UBR7: variants seen among roughly 807,000 people sequenced by gnomAD.
UBR7 encodes putative E3 ubiquitin-protein ligase UBR7.
Under a neutral mutation model 57.0 loss-of-function variants are expected in UBR7, and 22 were observed. That is an observed-to-expected ratio of 0.39 (90% confidence interval 0.28 to 0.55). The LOEUF (loss-of-function observed/expected upper bound fraction) is 0.55. UBR7 is among the 20% of genes least tolerant of loss of function. The probability of loss-of-function intolerance (pLI) is 0.69; values close to 1 mark genes in which losing one functional copy is unlikely to be tolerated. For synonymous variants in UBR7, 167 were observed against 179.8 expected (o/e 0.93, Z 0.57); for missense variants, 395 against 513.2 (o/e 0.77, Z 2.23).
At chr14:93,221,655 G>T (rs1488055993) in intron 9 of UBR7, among the ~76,000 whole-genome samples, 2 of 152,216 alleles carry the variant, frequency 1.3e-5, no homozygotes, top group East Asian at 1.9e-4. Flanking sequence ...AGCCCTCAAG[G>T]TACCTTGTAC....
At chr14:93,214,820 C>T (rs747129849) in intron 4 of UBR7, 109 bp from the exon 5 acceptor site, 10 of 963,428 alleles carry the variant, frequency 1.0e-5, no homozygotes, top group Non-Finnish European at 1.5e-5. Context: ...GCCTTTGGAA[C>T]ACCAGTTCAT....
intron 10 of UBR7, chr14:93,223,627 T>G (rs1472986538): frequency 7.3e-7 from 1 of 1,366,730 alleles, no homozygotes; most frequent in African/African-American, 1.4e-5. Flanking sequence ...CTCTTGGTGG[T>G]GAAGCGTGGC....
chr14:93,213,414 TCTC>T (rs1894528862), intron 4 of UBR7, among the ~76,000 whole-genome samples: 2 of 151,870 alleles, frequency 1.3e-5, no homozygotes, highest in African/African-American at 4.8e-5. Context: ...TTCATGCCAT[TCTC>T]CTGCCTCAGC....
In UBR7 at chr14:93,227,275, C is replaced by A. The variant is rs1413544431; in HGVS notation, c.*240C>A. On this transcript the variant is annotated 3_prime_UTR_variant, in exon 11 of 11. Coordinates refer to ENST00000013070, the MANE Select transcript of UBR7 (RefSeq NM_175748.4). ...CAGACTTCTCCAGTGTACTCCTACT[C>A]CAGTGCACCCAGGGTTATTTGCATA... The A allele has an allele frequency of 1.6e-6, 1 of 612,630 alleles. No homozygotes were observed. Among genetic ancestry groups the A allele is most frequent in the Non-Finnish European group, 3.0e-6 (1 of 330,168 alleles). The allele number at this position is 612,630 out of a possible 1,614,324, so 37.9% of individuals were successfully genotyped here. A position where few individuals can be genotyped will look rare whatever the true frequency, so the allele number is the denominator to read the frequency against.
chr14:93,227,718 A>G lies in UBR7; in HGVS notation c.*683A>G. 1 of 700,856 alleles carries G rather than the reference A, an allele frequency of 1.4e-6. No homozygotes were observed. Among genetic ancestry groups the G allele is most frequent in the Admixed American group, 2.0e-5 (1 of 50,008 alleles). 43.4% of individuals were successfully genotyped at this position (700,856 alleles called of 1,614,324 possible). A position where few individuals can be genotyped will look rare whatever the true frequency, so the allele number is the denominator to read the frequency against. On this transcript the variant is annotated 3_prime_UTR_variant, in exon 11 of 11. Coordinates refer to ENST00000013070, the MANE Select transcript of UBR7 (RefSeq NM_175748.4). Reference sequence around the variant, plus strand: ...CCTTTGTTATGAATTTTACTAATACAGTTCAAGTGAAATTTTCGTTCATGA... The same window carrying G: ...CCTTTGTTATGAATTTTACTAATACGGTTCAAGTGAAATTTTCGTTCATGA...
At chr14:93,217,143 C>T (rs1894607861) in intron 6 of UBR7, among the ~76,000 whole-genome samples, 1 of 152,204 alleles carries the variant, frequency 6.6e-6, no homozygotes, top group Middle Eastern at 3.2e-3. Flanking sequence ...TCTCCTGCCT[C>T]AGCCTCCCAA....
intron 6 of UBR7, 129 bp downstream of exon 6, chr14:93,215,410 G>GCGTGAGCCAC: frequency 6.9e-6 from 6 of 871,230 alleles, no homozygotes; most frequent in South Asian, 1.4e-5. Flanking sequence ...TTCTGGCCAG[G>GCGTGAGCCAC]CATGGTGGCT....
chr14:93,228,160 C>T lies in UBR7; in HGVS notation c.*1125C>T. The T allele has an allele frequency of 1.7e-6, 1 of 598,196 alleles. No homozygotes were observed. Among genetic ancestry groups the T allele is most frequent in the Non-Finnish European group, 3.1e-6 (1 of 320,646 alleles). The allele number at this position is 598,196 out of a possible 1,614,324, so 37.1% of individuals were successfully genotyped here. A position where few individuals can be genotyped will look rare whatever the true frequency, so the allele number is the denominator to read the frequency against. On this transcript the variant is annotated 3_prime_UTR_variant, in exon 11 of 11. Transcript: ENST00000013070. ...GTTTTGTGTATATAATGTTAATGTC[C>T]ACCGCCACTTCCCTAACGACTATGA...
At chr14:93,222,458 C>T (rs140344938) in intron 10 of UBR7, 84 bp downstream of exon 10, 56 of 1,086,934 alleles carry the variant, frequency 5.2e-5, no homozygotes, top group African/African-American at 2.8e-4. Context: ...AAAATGACTG[C>T]GACTGGCGGG....
At position 93,218,535 on chromosome 14, in the gene UBR7, A is replaced by G; in HGVS notation, c.610A>G (p.Ile204Val). 1 of 1,614,212 alleles carries G rather than the reference A, an allele frequency of 6.2e-7. No individual in the cohort carries two copies. ...AYAAQLAVTK[I>V]STEDDGLVRN... ...TTTCTTTGAACTCACAGTAACCAAA[A>G]TATCCACTGAGGATGATGGATTGGT... Residue 204 changes from isoleucine to valine, a missense_variant, in exon 7 of 11, where the codon ATA becomes GTA. By Grantham distance (29) the Ile-to-Val change is conservative. Coordinates refer to ENST00000013070, the MANE Select transcript of UBR7 (RefSeq NM_175748.4).
chr14:93,226,890 A>T, intron 10 of UBR7, 53 bp from the exon 11 acceptor site: 1 of 1,292,546 alleles, frequency 7.7e-7, no homozygotes, highest in Non-Finnish European at 1.1e-6. Flanking sequence ...ATGACCTCGG[A>T]TTGCGATTCT....
At chr14:93,218,494 T>C (rs1030311539) in intron 6 of UBR7, 33 bp from the exon 7 acceptor site, 1 of 1,568,664 alleles carries the variant, frequency 6.4e-7, no homozygotes, top group Non-Finnish European at 8.8e-7. Flanking sequence ...TGGATATGTG[T>C]GTATGTGTTT....
At chr14:93,211,897 T>C (rs77551279) in intron 3 of UBR7, 135 bp from the exon 4 acceptor site, 2 of 691,320 alleles carry the variant, frequency 2.9e-6, no homozygotes, top group East Asian at 2.9e-5. Flanking sequence ...GTTTTTTTTT[T>C]CCTACTTTGA....
Position 93,220,275 on chromosome 14 carries a change from A to G in UBR7, c.987A>G (p.Leu329=), listed in dbSNP as rs780568553. ...CMKMYGDLDV[L]FLTDEYDTVL... is the part of the protein sequence containing the mutation. ...AAATGTATGGAGATCTAGATGTCTT[A>G]TTCCTGACAGATGAATACGACACAG... The change falls in exon 9 of 11, where the codon TTA becomes TTG. Residue 329 remains leucine (L), a synonymous_variant. Coordinates refer to ENST00000013070, the MANE Select transcript of UBR7 (RefSeq NM_175748.4). 3 of 1,555,036 alleles carry G rather than the reference A, an allele frequency of 1.9e-6. No homozygotes were observed. Among genetic ancestry groups the G allele is most frequent in the East Asian group, 2.3e-5 (1 of 42,790 alleles).
At position 93,222,985 on chromosome 14, in the gene UBR7, C is replaced by G. The variant is rs1174175776; in HGVS notation, c.1185+611C>G. 3.9e-5 allele frequency among the ~76,000 whole-genome samples: 6 copies of G among 152,180 alleles called. No individual in the cohort carries two copies. The East Asian group carries it at 1.2e-3, about 29-fold the overall frequency. ...TTGGAAGGAATCCGCAGTACTGATT[C>G]TGCTGGTCCTGACCTTGAAGCATGG... On this transcript the variant is annotated intron_variant, in intron 10 of 10. Coordinates refer to ENST00000013070, the MANE Select transcript of UBR7 (RefSeq NM_175748.4).
intron 2 of UBR7, among the ~76,000 whole-genome samples, chr14:93,210,424 G>A (rs1894458729): frequency 1.3e-5 from 2 of 152,180 alleles, no homozygotes; most frequent in Non-Finnish European, 2.9e-5. Context: ...ATTGGAGAGA[G>A]TTGTTTCTAG....
At position 93,227,422 on chromosome 14, in the gene UBR7, G is replaced by C. The variant is rs1402787111; in HGVS notation, c.*387G>C. The stretch of plus-strand genomic sequence containing the variant: ...GTTGCCTTCCAGAACCTCCTCCGCA[G>C]GCATCACGGAAGGCTCTCTTCCCGT... On this transcript the variant is annotated 3_prime_UTR_variant, in exon 11 of 11. Coordinates refer to ENST00000013070, the MANE Select transcript of UBR7 (RefSeq NM_175748.4). 1 of 671,242 alleles carries C rather than the reference G, an allele frequency of 1.5e-6. No homozygotes were observed. Among genetic ancestry groups the C allele is most frequent in the Non-Finnish European group, 2.7e-6 (1 of 367,036 alleles). 41.6% of individuals were successfully genotyped at this position (671,242 alleles called of 1,614,324 possible). A position where few individuals can be genotyped will look rare whatever the true frequency, so the allele number is the denominator to read the frequency against.
chr14:93,221,864 T>TG (rs1446749195), intron 9 of UBR7, among the ~76,000 whole-genome samples: 1 of 152,006 alleles, frequency 6.6e-6, no homozygotes, highest in African/African-American at 2.4e-5. Context: ...GTGCCTGTAG[T>TG]CCCAGCTACT....
In UBR7 at chr14:93,227,847, G is replaced by A. The variant is rs978336219; in HGVS notation, c.*812G>A. On this transcript the variant is annotated 3_prime_UTR_variant, in exon 11 of 11. Transcript: ENST00000013070. The stretch of plus-strand genomic sequence containing the variant: ...TCCCTTCTCTGCTGCCTAGAAAACA[G>A]ACCGGGTCTCACCCCTGTGAAATCT... 2 of 700,696 alleles carry A rather than the reference G, an allele frequency of 2.9e-6. No homozygotes were observed. Among genetic ancestry groups the A allele is most frequent in the Non-Finnish European group, 5.2e-6 (2 of 384,830 alleles). 43.4% of individuals were successfully genotyped at this position (700,696 alleles called of 1,614,324 possible).
Sources: allele counts gnomAD v4.1 joint callset (sites outside exome capture counted in the v4.1 genomes callset), GRCh38; gene constraint gnomAD v4.1.1; transcripts MANE v1.5; gene names NCBI Gene and HGNC (gene_info 2026-07-23, HGNC 2026-07-21).